KIAA1210: variants seen among roughly 807,000 people sequenced by gnomAD.
KIAA1210 encodes acrosomal protein KIAA1210.
A neutral mutation model predicts 78.9 loss-of-function variants in KIAA1210; 48 were observed. The ratio of observed to expected loss-of-function variants is 0.61; its 90% CI spans 0.48 to 0.77. KIAA1210 has a LOEUF of 0.77. KIAA1210 is among the 30% of genes least tolerant of loss of function. KIAA1210 has a pLI of 0.00. For synonymous variants in KIAA1210, 406 were observed against 404.5 expected (o/e 1.00, Z -0.04); for missense variants, 1,108 against 1,100.0 (o/e 1.01, Z -0.10).
Position 119,116,639 on chromosome X carries a change from G to T in KIAA1210, c.87C>A (p.Ala29=). 8.3e-7 allele frequency: 1 copy of T among 1,203,276 alleles called. No individual in the cohort carries two copies. Among genetic ancestry groups the T allele is most frequent in the Non-Finnish European group, 1.1e-6 (1 of 890,721 alleles). ...TCTTCTTAACAAAAAAGCTCTTAAG[G>T]GCTTTAAATTTGCATTTCTTCTTTC... ...DEGKKKCKFK[A]LKSFFVKKKE... is the part of the protein sequence containing the mutation. Residue 29 remains alanine (A), a synonymous_variant, in exon 3 of 12, where the codon GCC becomes GCA. Coordinates refer to ENST00000691062, the MANE Select transcript of KIAA1210 (RefSeq NM_001394962.1).
Position 119,083,116 on chromosome X carries a change from G to T in KIAA1210, c.4325C>A (p.Ala1442Asp). ...AGGTTGGTTTTCATTTGCAGAGCCA[G>T]CTCCCTTTAATACAAAAATGAAAAC... ...AETKEPKYEG[A>D]GSANENQPKK... Residue 1442 changes from alanine (A) to aspartate (D), a missense_variant, in exon 11 of 12, where the codon GCT becomes GAT. Ala to Asp is a moderately radical substitution (Grantham distance 126, BLOSUM62 -2). Coordinates refer to ENST00000691062, the MANE Select transcript of KIAA1210 (RefSeq NM_001394962.1). 8.4e-7 allele frequency: 1 copy of T among 1,189,843 alleles called. No individual in the cohort carries two copies.
chrX:119,085,091 A>C (rs773147903), intron 10 of KIAA1210, among the ~76,000 whole-genome samples: 1 of 112,063 alleles, frequency 8.9e-6, no homozygotes, highest in East Asian at 2.8e-4. Context: ...CATGTTGCCT[A>C]AGTTGGTCTT....
At chrX:119,122,126 C>T (rs1293897526) in intron 2 of KIAA1210, among the ~76,000 whole-genome samples, 4 of 84,248 alleles carry the variant, frequency 4.7e-5, no homozygotes, top group East Asian at 4.1e-4. Context: ...AGTACAGTGG[C>T]GCGATCTCAG....
At chrX:119,118,703 G>C (rs1209157028) in intron 2 of KIAA1210, among the ~76,000 whole-genome samples, 3 of 112,371 alleles carry the variant, frequency 2.7e-5, no homozygotes, top group Non-Finnish European at 5.6e-5. Context: ...TGAAACTCAT[G>C]CTTCTCTCTA....
intron 5 of KIAA1210, 75 bp downstream of exon 5, chrX:119,108,262 G>T: frequency 9.8e-7 from 1 of 1,017,270 alleles, no homozygotes; most frequent in East Asian, 3.1e-5. Context: ...CCAGTAAGTA[G>T]CAGAGTAGGA....
intron 2 of KIAA1210, among the ~76,000 whole-genome samples, chrX:119,140,088 A>C (rs765953053): frequency 1.8e-5 from 2 of 112,632 alleles, no homozygotes; most frequent in African/African-American, 6.4e-5. Flanking sequence ...TAGAGTAGCC[A>C]GATTTTGCAG....
At chrX:119,120,979 G>A (rs915542889) in intron 2 of KIAA1210, among the ~76,000 whole-genome samples, 1 of 111,188 alleles carries the variant, frequency 9.0e-6, no homozygotes, top group African/African-American at 3.3e-5. Flanking sequence ...TATGTCTTCA[G>A]CCTGCTTTCC....
intron 2 of KIAA1210, among the ~76,000 whole-genome samples, chrX:119,138,211 GTTTTTTTTTTTT>G (rs759946882): frequency 2.1e-5 from 1 of 47,829 alleles, no homozygotes; most frequent in African/African-American, 9.2e-5. Flanking sequence ...TGGTTTGGTT[GTTTTTTTTTTTT>G]TTTTTTTTTT....
At chrX:119,127,227 A>G (rs1406396464) in intron 1 of KIAA1210, among the ~76,000 whole-genome samples, 1 of 110,393 alleles carries the variant, frequency 9.1e-6, no homozygotes, top group Admixed American at 9.7e-5. Flanking sequence ...GGGGAAATAA[A>G]CTATCTTAGA....
rs923837139 is a variant in KIAA1210 at position 119,080,228 on chromosome X, C to T, written c.*1101G>A. On this transcript the variant is annotated 3_prime_UTR_variant, in exon 12 of 12. Transcript: ENST00000691062. ...AACCCTCCAGAGGAGTAAGATAATT[C>T]CCAAGAAGCATTCTGCGTCATAGGG... The T allele has an allele frequency of 4.5e-5, 5 of 111,700 alleles. No homozygotes were observed. The highest frequency in any genetic ancestry group is 9.4e-5 in the Non-Finnish European group (5 of 53,113). The allele number at this position is 111,700 out of a possible 1,213,427, so 9.2% of individuals were successfully genotyped here.
At chrX:119,131,988 C>T (rs778790623), upstream of KIAA1210, among the ~76,000 whole-genome samples, 8 of 111,861 alleles carry the variant, frequency 7.2e-5, no homozygotes, top group East Asian at 2.8e-4. Context: ...GGATTGATTG[C>T]GCCCATGAGG....
intron 6 of KIAA1210, among the ~76,000 whole-genome samples, chrX:119,100,216 G>C (rs1185381572): frequency 9.2e-6 from 1 of 108,549 alleles, no homozygotes; most frequent in African/African-American, 3.4e-5. Flanking sequence ...TGTAGTCCCA[G>C]CTACTCGGGG....
rs373328590 is a variant in KIAA1210, at chrX:119,088,875, A to G, written c.1827T>C (p.Asn609=). 9.5e-4 allele frequency: 1,150 copies of G among 1,209,646 alleles called. No homozygotes were observed. The highest frequency in any genetic ancestry group is 1.1e-3 in the Non-Finnish European group (956 of 895,055). ...DAEEVSSDSE[N]IPEEGDGSEE... is the part of the protein sequence containing the mutation. ...CAGAACCATCCCCCTCCTCAGGAAT[A>G]TTCTCTGAATCTGAGGAGACTTCTT... Residue 609 remains asparagine, a synonymous_variant, in exon 9 of 12, where the codon AAT becomes AAC. Transcript: ENST00000691062.
At chrX:119,147,960 C>A (rs908237819) in intron 1 of KIAA1210, among the ~76,000 whole-genome samples, 4 of 111,435 alleles carry the variant, frequency 3.6e-5, no homozygotes, top group African/African-American at 9.8e-5. Flanking sequence ...CATAGCAAGA[C>A]CCTGTCTCTA....
chrX:119,131,700 G>A (rs1928795680), upstream of KIAA1210, among the ~76,000 whole-genome samples: 1 of 112,329 alleles, frequency 8.9e-6, no homozygotes, highest in South Asian at 3.7e-4. Context: ...TGTTGTCGAG[G>A]GCCACATGGC....
rs751341865 is a variant in KIAA1210 at position 119,097,285 on chromosome X, C to A, written c.649-594G>T. On this transcript the variant is annotated intron_variant, in intron 6 of 11. Transcript: ENST00000691062. Reference sequence around the variant, plus strand: ...AACCTCCAGTGGGATAGTGATGGAGCCTGTAACCCTGTCCTCATTATGGCT... The same window carrying A: ...AACCTCCAGTGGGATAGTGATGGAGACTGTAACCCTGTCCTCATTATGGCT... Among the ~76,000 whole-genome samples the A allele has an allele frequency of 1.3e-4, 14 of 111,512 alleles. 1 individual carries two copies. In the East Asian group the frequency reaches 4.0e-3, roughly 31 times the overall value.
In KIAA1210 at chrX:119,088,397, T is replaced by C. The variant is rs3761592; in HGVS notation, c.2305A>G (p.Ile769Val). 3.3e-6 allele frequency: 4 copies of C among 1,210,589 alleles called. No homozygotes were observed. In the South Asian group the frequency reaches 7.0e-5, roughly 21 times the overall value. The change falls in exon 9 of 12, where the codon ATC becomes GTC. Residue 769 changes from isoleucine to valine, a missense_variant. Transcript: ENST00000691062. ...GGCTGGAAAGGGTGTCTTGGAGGGA[T>C]TGGCTCCACGGAATCGCTCTGTTTT... ...SIKQSDSVEP[I>V]PPRHPFQPWV...
chrX:119,105,421 G>A, intron 5 of KIAA1210, among the ~76,000 whole-genome samples: 1 of 112,093 alleles, frequency 8.9e-6, no homozygotes, highest in East Asian at 2.8e-4. Flanking sequence ...ACTTCAAATT[G>A]CTTGTTCGTG....
intron 2 of KIAA1210, among the ~76,000 whole-genome samples, chrX:119,139,369 G>T (rs1400622565): frequency 1.8e-5 from 2 of 112,008 alleles, no homozygotes; most frequent in Non-Finnish European, 3.8e-5. Context: ...CCTCAGGAAA[G>T]TGGGAAGGTG....
Sources: allele counts gnomAD v4.1 joint callset (sites outside exome capture counted in the v4.1 genomes callset), GRCh38; gene constraint gnomAD v4.1.1; transcripts MANE v1.5; gene names NCBI Gene and HGNC (gene_info 2026-07-23, HGNC 2026-07-21).